The following FRMD4A variants were observed in gnomAD, a reference collection of about 807,000 sequenced individuals.
FRMD4A encodes FERM domain containing 4A, also known as FERM domain-containing protein 4A.
A neutral mutation model predicts 129.1 loss-of-function variants in FRMD4A; 29 were observed. The observed-to-expected ratio is 0.22, with a 90% CI of 0.17 to 0.31. FRMD4A has a LOEUF of 0.31. Among genes scored for constraint, FRMD4A ranks in the 10% least tolerant of loss-of-function variants. The pLI is 1.00. For synonymous variants in FRMD4A, 634 were observed against 571.6 expected, an observed-to-expected ratio of 1.11 and a Z score of -1.56; for missense variants, 1,272 against 1,375.8, an observed-to-expected ratio of 0.92 and a Z score of 1.19.
intron 6 of FRMD4A, among the ~76,000 whole-genome samples, chr10:13,775,319 A>G (rs1272229135): frequency 6.6e-6 from 1 of 152,248 alleles, no homozygotes; most frequent in Non-Finnish European, 1.5e-5. Flanking sequence ...AGGAGCAAAA[A>G]GGAGTTCCCA....
intron 2 of FRMD4A, chr10:13,891,898 C>T (rs2094702668): frequency 3.9e-6 from 1 of 254,128 alleles, no homozygotes; most frequent in Admixed American, 6.7e-5. Flanking sequence ...CCCGGCCCGC[C>T]GCATGGTGCG....
At chr10:13,791,559 C>G (rs1190608498) in intron 5 of FRMD4A, among the ~76,000 whole-genome samples, 1 of 151,944 alleles carries the variant, frequency 6.6e-6, no homozygotes, top group East Asian at 1.9e-4. Context: ...ACTGAATTGG[C>G]CAAAAAATAG....
At chr10:14,200,124 C>T (rs1842592414) in intron 2 of FRMD4A, among the ~76,000 whole-genome samples, 1 of 148,390 alleles carries the variant, frequency 6.7e-6, no homozygotes, top group Non-Finnish European at 1.5e-5. Flanking sequence ...AGCTCCTGGG[C>T]TCAAGTGATC....
intron 5 of FRMD4A, among the ~76,000 whole-genome samples, chr10:13,794,961 A>G (rs1356128372): frequency 6.6e-6 from 1 of 152,190 alleles, no homozygotes; most frequent in Non-Finnish European, 1.5e-5. Context: ...AGAGACTGAC[A>G]CTTCCACCAC....
At chr10:14,225,165 A>G (rs964103001) in intron 2 of FRMD4A, among the ~76,000 whole-genome samples, 1 of 152,230 alleles carries the variant, frequency 6.6e-6, no homozygotes, top group Non-Finnish European at 1.5e-5. Context: ...AACATAAAAC[A>G]TTGCTGAAAA....
intron 2 of FRMD4A, among the ~76,000 whole-genome samples, chr10:14,203,581 A>G (rs1842700936): frequency 6.6e-6 from 1 of 152,238 alleles, no homozygotes; most frequent in Non-Finnish European, 1.5e-5. Context: ...TAACTCGGCT[A>G]AATTTGCCCT....
rs76939394 is a variant in FRMD4A, at chr10:14,222,733, A to G, written c.45+107325T>C. On this transcript the variant is annotated intron_variant, in intron 2 of 24. Transcript: ENST00000357447. ...GGACTGGAGTGAAATCTCCTTGGAA[A>G]AAAAAACATTGTTTATTGTTGATTT... Among the ~76,000 whole-genome samples the G allele has an allele frequency of 2.3e-3, 345 of 152,276 alleles. 2 individuals are homozygous for G. The highest frequency in any genetic ancestry group is 8.2e-3 in the African/African-American group (339 of 41,552).
At chr10:13,674,021 G>A (rs7082578) in intron 16 of FRMD4A, among the ~76,000 whole-genome samples, 16,401 of 151,968 alleles carry the variant, frequency 0.11, 1,893 homozygotes, top group African/African-American at 0.29. Flanking sequence ...TCCTGCCTCA[G>A]CCTCCCAAAG....
chr10:14,099,804 AC>A (rs1302617832), intron 2 of FRMD4A, among the ~76,000 whole-genome samples: 1 of 152,126 alleles, frequency 6.6e-6, no homozygotes, highest in Non-Finnish European at 1.5e-5. Context: ...TAACTTTTTT[AC>A]TTTTGGAGAC....
intron 2 of FRMD4A, among the ~76,000 whole-genome samples, chr10:14,241,796 C>T (rs759880447): frequency 6.8e-6 from 1 of 146,468 alleles, no homozygotes; most frequent in Non-Finnish European, 1.5e-5. Flanking sequence ...AACAGAAGGG[C>T]TGTCTAGGAG....
chr10:13,813,261 A>G (rs1245528475), intron 3 of FRMD4A, among the ~76,000 whole-genome samples: 1 of 152,254 alleles, frequency 6.6e-6, no homozygotes, highest in Non-Finnish European at 1.5e-5. Flanking sequence ...CCTGGCCAAC[A>G]TGGCAAAACC....
chr10:14,174,381 G>A (rs1180032198), intron 2 of FRMD4A, among the ~76,000 whole-genome samples: 1 of 152,100 alleles, frequency 6.6e-6, no homozygotes, highest in Non-Finnish European at 1.5e-5. Flanking sequence ...CTCTGTCTTA[G>A]GTAACGCATT....
intron 2 of FRMD4A, among the ~76,000 whole-genome samples, chr10:14,286,615 T>G (rs1220936644): frequency 6.6e-6 from 1 of 152,186 alleles, no homozygotes; most frequent in Non-Finnish European, 1.5e-5. Context: ...AGCTGTTTTT[T>G]CCAGCAAGAT....
At chr10:13,702,471 T>C (rs2086924148) in intron 13 of FRMD4A, among the ~76,000 whole-genome samples, 1 of 152,156 alleles carries the variant, frequency 6.6e-6, no homozygotes, top group African/African-American at 2.4e-5. Context: ...ATGGTCATGC[T>C]CTTAGTGAAG....
intron 2 of FRMD4A, among the ~76,000 whole-genome samples, chr10:14,289,496 C>T (rs1845784415): frequency 6.6e-6 from 1 of 152,082 alleles, no homozygotes; most frequent in African/African-American, 2.4e-5. Flanking sequence ...ATTTGCAATT[C>T]AGTTGTAGGA....
intron 2 of FRMD4A, among the ~76,000 whole-genome samples, chr10:13,863,778 T>G (rs976012206): frequency 6.6e-6 from 1 of 151,386 alleles, no homozygotes; most frequent in Non-Finnish European, 1.5e-5. Context: ...AAAAAAAGTG[T>G]AAAAAAGAAA....
At chr10:14,102,038 C>T (rs1235906528) in intron 2 of FRMD4A, among the ~76,000 whole-genome samples, 2 of 152,168 alleles carry the variant, frequency 1.3e-5, no homozygotes, top group Admixed American at 1.3e-4. Flanking sequence ...ATAGAAGATG[C>T]ACGTTTCCAC....
intron 5 of FRMD4A, among the ~76,000 whole-genome samples, chr10:13,789,299 C>G (rs571258926): frequency 6.6e-6 from 1 of 152,258 alleles, no homozygotes; most frequent in African/African-American, 2.4e-5. Flanking sequence ...GGGAAGATAC[C>G]AAGAATCCGG....
chr10:13,796,908 C>T (rs529078817), intron 4 of FRMD4A, among the ~76,000 whole-genome samples: 4 of 152,064 alleles, frequency 2.6e-5, no homozygotes, highest in South Asian at 2.1e-4. Context: ...TTGGTAGAGA[C>T]GGGGTTTCAC....
Sources: gnomAD v4.1 joint callset for allele counts (sites outside exome capture counted in the v4.1 genomes callset) on GRCh38, gnomAD v4.1.1 for gene constraint, MANE v1.5 for transcripts, NCBI Gene and HGNC (gene_info 2026-07-23, HGNC 2026-07-21) for gene names.